The following KDM4C variants were observed in gnomAD, a reference collection of about 807,000 sequenced individuals.
KDM4C encodes lysine-specific demethylase 4C.
A neutral mutation model predicts 129.3 loss-of-function variants in KDM4C; 81 were observed. The observed-to-expected ratio is 0.63, with a 90% CI of 0.52 to 0.75. KDM4C has a LOEUF of 0.75. Ranked by LOEUF, KDM4C falls within the 30% of genes least tolerant of loss-of-function variation. The pLI, the probability that KDM4C is intolerant of heterozygous loss-of-function variation, is 0.00. For missense variants in KDM4C, 1,457 were observed against 1,304.0 expected, an observed-to-expected ratio of 1.12 and a Z score of -1.81; for synonymous variants, 573 against 456.1, an observed-to-expected ratio of 1.26 and a Z score of -3.26.
intron 19 of KDM4C, among the ~76,000 whole-genome samples, chr9:7,129,849 G>C (rs1438998193): frequency 6.6e-6 from 1 of 152,076 alleles, no homozygotes; most frequent in African/African-American, 2.4e-5. Context: ...TACACACTAG[G>C]CACTATAATT....
intron 19 of KDM4C, among the ~76,000 whole-genome samples, chr9:7,156,794 C>G (rs1237888069): frequency 1.3e-5 from 2 of 152,140 alleles, no homozygotes; most frequent in African/African-American, 4.8e-5. Context: ...CGTGATGTCT[C>G]CAGCTTTGTT....
chr9:7,169,952 T>C, intron 21 of KDM4C, 62 bp downstream of exon 21: 8 of 1,609,858 alleles, frequency 5.0e-6, no homozygotes, highest in Non-Finnish European at 6.8e-6. Flanking sequence ...TCACCTCATG[T>C]TTCCCAAGCC....
At chr9:7,047,555 T>G (rs1338354850) in intron 16 of KDM4C, among the ~76,000 whole-genome samples, 1 of 151,768 alleles carries the variant, frequency 6.6e-6, no homozygotes, top group Non-Finnish European at 1.5e-5. Flanking sequence ...ATATTGAAAA[T>G]GGGGCCAAAG....
intron 4 of KDM4C, among the ~76,000 whole-genome samples, chr9:6,824,170 A>G (rs1456466530): frequency 6.6e-6 from 1 of 152,222 alleles, no homozygotes; most frequent in African/African-American, 2.4e-5. Flanking sequence ...GAAAATGATA[A>G]CAGAGGATGA....
At chr9:6,785,860 C>T (rs1187249433) in intron 1 of KDM4C, among the ~76,000 whole-genome samples, 1 of 152,222 alleles carries the variant, frequency 6.6e-6, no homozygotes. Flanking sequence ...TGCTTGGCTC[C>T]TGTGAGGCCA....
intron 18 of KDM4C, among the ~76,000 whole-genome samples, chr9:7,124,054 C>T (rs1162789869): frequency 1.3e-5 from 2 of 152,152 alleles, no homozygotes; most frequent in Admixed American, 6.6e-5. Flanking sequence ...GGCTGGGCCT[C>T]CTTTGTGCTT....
At chr9:6,922,096 C>T (rs1042577967) in intron 8 of KDM4C, among the ~76,000 whole-genome samples, 9 of 152,306 alleles carry the variant, frequency 5.9e-5, no homozygotes, top group African/African-American at 2.2e-4. Flanking sequence ...ACATAGTACA[C>T]GTTCAGCAAA....
rs114088567 is a variant in KDM4C at position 7,102,697 on chromosome 9, T to C, written c.2425-988T>C. Reference sequence around the variant, plus strand: ...TATTAGTCTTCAAAAGGGCTTGAGTTTAAGTACCTTTATTGTCCCAGAAAA... The same window carrying C: ...TATTAGTCTTCAAAAGGGCTTGAGTCTAAGTACCTTTATTGTCCCAGAAAA... On this transcript the variant is annotated intron_variant, in intron 17 of 21. Coordinates refer to ENST00000381309, the MANE Select transcript of KDM4C (RefSeq NM_015061.6). Among the ~76,000 whole-genome samples the C allele has an allele frequency of 8.5e-3, 1,290 of 152,304 alleles. 14 individuals carry two copies. The highest frequency in any genetic ancestry group is 0.03 in the African/African-American group (1,232 of 41,550).
intron 15 of KDM4C, among the ~76,000 whole-genome samples, chr9:7,030,131 A>G (rs1033357284): frequency 6.6e-6 from 1 of 152,096 alleles, no homozygotes; most frequent in Non-Finnish European, 1.5e-5. Flanking sequence ...TGGCCCTAGA[A>G]TTTGTTTATT....
At chr9:7,030,892 A>T (rs1169830169) in intron 15 of KDM4C, among the ~76,000 whole-genome samples, 2 of 152,150 alleles carry the variant, frequency 1.3e-5, no homozygotes, top group African/African-American at 4.8e-5. Context: ...TATAGGTTGG[A>T]ATTCTCATTC....
At chr9:7,071,727 G>C (rs1833220870) in intron 17 of KDM4C, among the ~76,000 whole-genome samples, 1 of 152,094 alleles carries the variant, frequency 6.6e-6, no homozygotes, top group African/African-American at 2.4e-5. Flanking sequence ...AGATTTCTTA[G>C]ATAAATAGAT....
Position 6,984,550 on chromosome 9 carries a change from A to G in KDM4C, c.1354+146A>G, listed in dbSNP as rs559854804. On this transcript the variant is annotated intron_variant, in intron 10 of 21. Coordinates refer to ENST00000381309, the MANE Select transcript of KDM4C (RefSeq NM_015061.6). ...ACCAAAGTCATGGGTAACTCAACCA[A>G]TAGTCCCAGGGAATATTGTAAAAGT... 1,413 of 625,408 alleles carry G rather than the reference A, an allele frequency of 2.3e-3. 5 individuals carry two copies. The highest frequency in any genetic ancestry group is 2.0e-3 in the Non-Finnish European group (710 of 349,786). 38.7% of individuals were successfully genotyped at this position (625,408 alleles called of 1,614,324 possible). A position where few individuals can be genotyped will look rare whatever the true frequency, so the allele number is the denominator to read the frequency against.
At chr9:6,724,565 C>T (rs1363136531) in intron 1 of KDM4C, among the ~76,000 whole-genome samples, 1 of 152,116 alleles carries the variant, frequency 6.6e-6, no homozygotes. Context: ...GATACTTGTT[C>T]TGTCGCCCAG....
intron 12 of KDM4C, among the ~76,000 whole-genome samples, chr9:6,995,875 G>A (rs1044803666): frequency 5.6e-5 from 8 of 143,960 alleles, no homozygotes; most frequent in African/African-American, 1.5e-4. Flanking sequence ...GTTTCACTGT[G>A]TTAGCCAGGA....
intron 20 of KDM4C, among the ~76,000 whole-genome samples, chr9:7,169,215 G>C (rs1844709895): frequency 6.6e-6 from 1 of 152,138 alleles, no homozygotes; most frequent in East Asian, 1.9e-4. Context: ...ATTTCCATTT[G>C]ATCAGCAGCT....
chr9:6,725,926 T>C (rs1817110921), intron 1 of KDM4C, among the ~76,000 whole-genome samples: 1 of 144,902 alleles, frequency 6.9e-6, no homozygotes, highest in African/African-American at 2.6e-5. Context: ...TTCTTTTCTT[T>C]CTTTATTTTT....
chr9:7,089,799 ACCTTG>A (rs1326744001), intron 17 of KDM4C, among the ~76,000 whole-genome samples: 1 of 152,106 alleles, frequency 6.6e-6, no homozygotes, highest in African/African-American at 2.4e-5. Flanking sequence ...GAAAAACAAA[ACCTTG>A]CCATATTTTG....
At chr9:6,833,594 A>G (rs1043973143) in intron 4 of KDM4C, among the ~76,000 whole-genome samples, 1 of 152,330 alleles carries the variant, frequency 6.6e-6, no homozygotes, top group East Asian at 1.9e-4. Context: ...CAGTCCCCTC[A>G]TTTATAAAAC....
intron 18 of KDM4C, among the ~76,000 whole-genome samples, chr9:7,118,447 G>T (rs1839154158): frequency 6.6e-6 from 1 of 152,212 alleles, no homozygotes; most frequent in Non-Finnish European, 1.5e-5. Context: ...CTTTCACTAT[G>T]ACAAGGCAAG....
Sources: allele counts gnomAD v4.1 joint callset (sites outside exome capture counted in the v4.1 genomes callset), GRCh38; gene constraint gnomAD v4.1.1; transcripts MANE v1.5; gene names NCBI Gene and HGNC (gene_info 2026-07-23, HGNC 2026-07-21).